Variants in SLC36A1 observed in about 807,000 individuals in gnomAD.
SLC36A1 encodes the protein proton-coupled amino acid transporter 1.
Under a neutral mutation model 47.5 loss-of-function variants are expected in SLC36A1, and 30 were observed. That is an observed-to-expected ratio of 0.63 (90% CI 0.47 to 0.86). SLC36A1 has a LOEUF of 0.86. Ranked by LOEUF, SLC36A1 falls within the 40% of genes least tolerant of loss-of-function variation. SLC36A1 has a pLI of 0.00. For synonymous variants in SLC36A1, 255 were observed against 249.7 expected (o/e 1.02, Z -0.20); for missense variants, 517 against 606.0 (o/e 0.85, Z 1.54).
the SLC36A1 span, among the ~76,000 whole-genome samples, chr5:151,419,544 A>T: frequency 6.6e-6 from 1 of 152,234 alleles, no homozygotes; most frequent in African/African-American, 2.4e-5. Flanking sequence ...TGTTGTCAAG[A>T]ATGTAAAGTA....
At chr5:151,545,736 A>G in the SLC36A1 span, 9 of 1,614,080 alleles carry the variant, frequency 5.6e-6, no homozygotes, top group Non-Finnish European at 7.6e-6. Context: ...CCAACAAGGA[A>G]TTAGCTTCTT....
the SLC36A1 span, among the ~76,000 whole-genome samples, chr5:151,350,635 A>T: frequency 1.9e-5 from 2 of 102,600 alleles, no homozygotes; most frequent in East Asian, 4.0e-4. Flanking sequence ...TATCACCATT[A>T]AAAAAAAGAG....
intron 2 of SLC36A1, among the ~76,000 whole-genome samples, chr5:151,462,029 G>T (rs1238351572): frequency 1.3e-5 from 2 of 150,944 alleles, no homozygotes; most frequent in Non-Finnish European, 2.9e-5. Flanking sequence ...CTGAGTACTT[G>T]TAAGACATTT....
At chr5:151,555,456 C>T in the SLC36A1 span, among the ~76,000 whole-genome samples, 3 of 150,504 alleles carry the variant, frequency 2.0e-5, no homozygotes, top group East Asian at 3.9e-4. Flanking sequence ...CTGCAACCTC[C>T]GTCTCCCAGG....
chr5:151,522,030 G>C, the SLC36A1 span: 4 of 1,612,326 alleles, frequency 2.5e-6, no homozygotes, highest in African/African-American at 5.3e-5. Flanking sequence ...TCTGCTCTGT[G>C]ACATGGACAC....
chr5:151,516,229 G>A, the SLC36A1 span, among the ~76,000 whole-genome samples: 2 of 152,268 alleles, frequency 1.3e-5, no homozygotes, highest in South Asian at 2.1e-4. Flanking sequence ...TTGTAACTCC[G>A]GCTGGGCATG....
At chr5:151,531,431 G>C in the SLC36A1 span, among the ~76,000 whole-genome samples, 1 of 152,122 alleles carries the variant, frequency 6.6e-6, no homozygotes, top group South Asian at 2.1e-4. This position sits in a 1 kb window ranked among gnomAD's most constrained non-coding sequence, Gnocchi z 5.7. Context: ...GGAGGGACCT[G>C]GTACTCGGAG....
chr5:151,376,666 C>T, the SLC36A1 span, among the ~76,000 whole-genome samples: 1 of 151,804 alleles, frequency 6.6e-6, no homozygotes, highest in Non-Finnish European at 1.5e-5. Context: ...GAGTTTCACT[C>T]TTGTTGCCCA....
chr5:151,415,090 G>A, the SLC36A1 span, among the ~76,000 whole-genome samples: 1 of 152,124 alleles, frequency 6.6e-6, no homozygotes, highest in Admixed American at 6.5e-5. Flanking sequence ...TGGAGAGGGA[G>A]GGACTCTGTT....
the SLC36A1 span, chr5:151,507,052 T>G: frequency 4.4e-5 from 44 of 1,004,902 alleles, no homozygotes; most frequent in Non-Finnish European, 5.3e-5. Context: ...AAGGGTTGGA[T>G]GCGTGGTAGC....
chr5:151,446,859 G>A (rs76497502), upstream of SLC36A1, among the ~76,000 whole-genome samples: 714 of 152,150 alleles, frequency 4.7e-3, 8 homozygotes, highest in African/African-American at 0.017. Context: ...GTTGAAAGTG[G>A]GATATTGACC....
the SLC36A1 span, chr5:151,550,621 G>A: frequency 6.8e-6 from 11 of 1,614,112 alleles, no homozygotes; most frequent in Admixed American, 1.7e-5. Flanking sequence ...GGAGGGCCCC[G>A]AGCCGAGGTC....
chr5:151,521,999 G>A, the SLC36A1 span: 2 of 1,614,196 alleles, frequency 1.2e-6, no homozygotes, highest in Admixed American at 1.7e-5. Context: ...TCCAGTGGGA[G>A]AGCAGAAGGT....
the SLC36A1 span, among the ~76,000 whole-genome samples, chr5:151,533,177 A>G: frequency 6.6e-6 from 1 of 152,116 alleles, no homozygotes; most frequent in South Asian, 2.1e-4. Context: ...GAGGAACCAT[A>G]GAAGGAAGGG....
chr5:151,486,651 G>A (rs152392), intron 10 of SLC36A1, among the ~76,000 whole-genome samples: 22,180 of 152,148 alleles, frequency 0.15, 1,990 homozygotes, highest in Non-Finnish European at 0.21. Context: ...CTGCATTTTC[G>A]CTTTACAGAA....
the SLC36A1 span, among the ~76,000 whole-genome samples, chr5:151,393,416 G>T: frequency 6.6e-6 from 1 of 152,134 alleles, no homozygotes; most frequent in Non-Finnish European, 1.5e-5. Flanking sequence ...AGGGTTAATA[G>T]TGTTATGTGT....
At chr5:151,480,552 C>T (rs1327815604) in intron 10 of SLC36A1, among the ~76,000 whole-genome samples, 2 of 152,194 alleles carry the variant, frequency 1.3e-5, no homozygotes, top group African/African-American at 2.4e-5. Context: ...AGCAGCTAAT[C>T]CAGGGGCCAG....
chr5:151,540,223 G>A, the SLC36A1 span, among the ~76,000 whole-genome samples: 1 of 152,082 alleles, frequency 6.6e-6, no homozygotes, highest in Non-Finnish European at 1.5e-5. Context: ...TATCCCTATG[G>A]GGGCCAAGGA....
At chr5:151,396,051 C>A in the SLC36A1 span, among the ~76,000 whole-genome samples, 1 of 151,848 alleles carries the variant, frequency 6.6e-6, no homozygotes, top group Non-Finnish European at 1.5e-5. Flanking sequence ...CTCAAGGGAC[C>A]TGCTCACCGT....
Sources: gnomAD v4.1 joint callset for allele counts (sites outside exome capture counted in the v4.1 genomes callset) on GRCh38, gnomAD v4.1.1 for gene constraint, Gnocchi (gnomAD v3.1) non-coding constraint, MANE v1.5 for transcripts, NCBI Gene and HGNC (gene_info 2026-07-23, HGNC 2026-07-21) for gene names.